The following ABL2 variants were observed in gnomAD, a reference collection of about 807,000 sequenced individuals.
ABL2 encodes tyrosine-protein kinase ABL2.
Under a neutral mutation model 107.7 loss-of-function variants are expected in ABL2, and 49 were observed. The ratio of observed to expected loss-of-function variants is 0.45; its 90% CI spans 0.36 to 0.58. The LOEUF is 0.58. Ranked by LOEUF, ABL2 falls within the 20% of genes least tolerant of loss-of-function variation. The pLI is 0.00. For synonymous variants in ABL2, 549 were observed against 548.6 expected (o/e 1.00, Z -0.01); for missense variants, 1,245 against 1,457.0 (o/e 0.85, Z 2.37).
chr1:179,110,734 G>A (rs1199244170), intron 10 of ABL2: 3 of 1,612,884 alleles, frequency 1.9e-6, no homozygotes, highest in African/African-American at 1.3e-5. Flanking sequence ...CTTGATGGAT[G>A]TTTAGGTTGT....
chr1:179,139,586 C>T (rs1463366534), intron 1 of ABL2, among the ~76,000 whole-genome samples: 2 of 152,160 alleles, frequency 1.3e-5, no homozygotes, highest in East Asian at 3.9e-4. Context: ...GCACTGCCTT[C>T]AAAAATATAT....
At position 179,109,449 on chromosome 1, in the gene ABL2, G is replaced by A; in HGVS notation, c.1826-8C>T. The stretch of plus-strand genomic sequence containing the variant: ...GTGCACCTCTGATGAACCCTGATGA[G>A]AAATGGCCGATCAGTAACTTAAAAG... On this transcript the variant is annotated splice_polypyrimidine_tract_variant and splice_region_variant and intron_variant, in intron 11 of 11. Transcript: ENST00000502732. 1.3e-6 allele frequency: 2 copies of A among 1,594,810 alleles called. No individual in the cohort carries two copies. Among genetic ancestry groups the A allele is most frequent in the Non-Finnish European group, 1.7e-6 (2 of 1,172,510 alleles).
chr1:179,104,374 T>C lies in ABL2; in HGVS notation c.*3344A>G, dbSNP rs1653338311. ...CTCCATGACTTTAGTTAAATAAAAATGGGCAGTGCCTTAGCAAAGTCAGCA... is the reference window on the plus strand; with the variant it reads ...CTCCATGACTTTAGTTAAATAAAAACGGGCAGTGCCTTAGCAAAGTCAGCA... On this transcript the variant is annotated 3_prime_UTR_variant, in exon 12 of 12. Transcript: ENST00000502732. 4.5e-6 allele frequency: 1 copy of C among 223,548 alleles called. No individual in the cohort carries two copies. Among genetic ancestry groups the C allele is most frequent in the Admixed American group, 5.7e-5 (1 of 17,440 alleles). The allele number at this position is 223,548 out of a possible 1,614,324, so 13.8% of individuals were successfully genotyped here. A position where few individuals can be genotyped will look rare whatever the true frequency, so the allele number is the denominator to read the frequency against.
intron 1 of ABL2, among the ~76,000 whole-genome samples, chr1:179,154,250 T>C (rs1301946241): frequency 6.6e-6 from 1 of 152,228 alleles, no homozygotes; most frequent in African/African-American, 2.4e-5. Flanking sequence ...AAAGTTCAAA[T>C]ACTTCAGAAA....
At chr1:179,165,432 A>T (rs76875570) in intron 1 of ABL2, among the ~76,000 whole-genome samples, 6 of 147,632 alleles carry the variant, frequency 4.1e-5, no homozygotes, top group East Asian at 3.9e-4. Flanking sequence ...TTTGGAAATT[A>T]AAAAAAAAAA....
intron 1 of ABL2, among the ~76,000 whole-genome samples, chr1:179,147,804 T>C (rs1030221392): frequency 6.6e-6 from 1 of 152,134 alleles, no homozygotes; most frequent in Non-Finnish European, 1.5e-5. Context: ...AGGCAATATA[T>C]CCATGGAAGA....
intron 1 of ABL2, among the ~76,000 whole-genome samples, chr1:179,216,866 T>C (rs1227206687): frequency 6.6e-6 from 1 of 151,848 alleles, no homozygotes; most frequent in Non-Finnish European, 1.5e-5. Flanking sequence ...GTATTTTTAG[T>C]AGAGGTGGGG....
chr1:179,119,086 TCTC>T (rs5779007), intron 6 of ABL2, among the ~76,000 whole-genome samples: 76,280 of 151,534 alleles, frequency 0.5, 19,313 homozygotes, highest in South Asian at 0.58. Flanking sequence ...GGCCCATGAT[TCTC>T]CTCCTCAACT....
intron 1 of ABL2, among the ~76,000 whole-genome samples, chr1:179,179,029 A>C (rs1660216203): frequency 6.6e-6 from 1 of 152,264 alleles, no homozygotes; most frequent in Non-Finnish European, 1.5e-5. Context: ...AGAGTATAAA[A>C]GAAAAGGAGC....
At position 179,102,020 on chromosome 1, in the gene ABL2, T is replaced by C. The variant is rs1653140341; in HGVS notation, c.*5698A>G. 9 of 135,150 alleles carry C rather than the reference T, an allele frequency of 6.7e-5. No individual in the cohort carries two copies. The South Asian group carries it at 2.3e-3, about 34-fold the overall frequency. The allele number at this position is 135,150 out of a possible 1,614,324, so 8.4% of individuals were successfully genotyped here. Reference sequence around the variant, plus strand: ...TCTTTTTTTTTTTTTTTTTTTTTTTTTTTTTTTTTTTGAGACGGAGTCTCA... The same window carrying C: ...TCTTTTTTTTTTTTTTTTTTTTTTTCTTTTTTTTTTTGAGACGGAGTCTCA... On this transcript the variant is annotated 3_prime_UTR_variant, in exon 12 of 12. Transcript: ENST00000502732.
chr1:179,109,407 G>C lies in ABL2; in HGVS notation c.1860C>G (p.Ser620=). The change falls in exon 12 of 12, where the codon TCC becomes TCG. Residue 620 remains serine, a synonymous_variant. Transcript: ENST00000502732. ...CTCTTTGCTTTCGAGGCAGTGCTGG[G>C]GATCCACTAGAGGCCTGTGCACCTC... The part of the protein sequence containing the change: ...FIRGAQASSG[S]PALPRKQRDK... 1 of 1,613,896 alleles carries C rather than the reference G, an allele frequency of 6.2e-7. No homozygotes were observed. Among genetic ancestry groups the C allele is most frequent in the Non-Finnish European group, 8.5e-7 (1 of 1,179,952 alleles).
In ABL2 at chr1:179,216,580, T is replaced by C. The variant is rs1195869574; in HGVS notation, c.157+12661A>G. Among the ~76,000 whole-genome samples, 4 of 152,184 alleles carry C rather than the reference T, an allele frequency of 2.6e-5. No individual in the cohort carries two copies. In the East Asian group the frequency reaches 7.7e-4, roughly 29 times the overall value. On this transcript the variant is annotated intron_variant, in intron 1 of 11. Transcript: ENST00000502732. ...AGGCAATTAGTACAGAATAAATGAATAAAAAAATAGAAAATGCTCTGGAGT... is the reference window on the plus strand; with the variant it reads ...AGGCAATTAGTACAGAATAAATGAACAAAAAAATAGAAAATGCTCTGGAGT...
chr1:179,157,931 C>G (rs2102745411), intron 1 of ABL2, among the ~76,000 whole-genome samples: 1 of 152,292 alleles, frequency 6.6e-6, no homozygotes, highest in African/African-American at 2.4e-5. Flanking sequence ...TAGCTGGGCC[C>G]AGGCTAAGAA....
chr1:179,117,603 G>A, intron 7 of ABL2, 87 bp from the exon 8 acceptor site: 1 of 1,365,916 alleles, frequency 7.3e-7, no homozygotes. Flanking sequence ...TGTGTTATAG[G>A]CAGAGTTAAG....
At chr1:179,152,963 C>T (rs1658450272) in intron 1 of ABL2, among the ~76,000 whole-genome samples, 1 of 151,818 alleles carries the variant, frequency 6.6e-6, no homozygotes, top group Non-Finnish European at 1.5e-5. Flanking sequence ...ACCCAGATAT[C>T]AAAGAAAGAG....
Position 179,117,443 on chromosome 1 carries a change from A to G in ABL2, c.1297T>C (p.Leu433=), listed in dbSNP as rs140036159. The G allele has an allele frequency of 8.1e-6, 13 of 1,614,090 alleles. No individual in the cohort carries two copies. The African/African-American group carries it at 9.3e-5, about 12-fold the overall frequency. The change falls in exon 8 of 12, where the codon TTG becomes CTG. Residue 433 remains leucine (L), a synonymous_variant. Transcript: ENST00000502732. ...GCAGTATAAGTGTCTCCAGTCATCAATCTACTTAAGCCAAAGTCAGCCACT... is the reference window on the plus strand; with the variant it reads ...GCAGTATAAGTGTCTCCAGTCATCAGTCTACTTAAGCCAAAGTCAGCCACT... ...VKVADFGLSR[L]MTGDTYTAHA...
intron 4 of ABL2, among the ~76,000 whole-genome samples, chr1:179,123,478 G>GCC (rs1655423574): frequency 6.6e-6 from 1 of 151,314 alleles, no homozygotes; most frequent in Admixed American, 6.6e-5. Flanking sequence ...GCATTCTAGA[G>GCC]TGGGTGACAG....
intron 1 of ABL2, among the ~76,000 whole-genome samples, chr1:179,225,739 G>A (rs1333623510): frequency 2.0e-5 from 3 of 152,054 alleles, no homozygotes; most frequent in African/African-American, 4.8e-5. Context: ...CAATGCCGCC[G>A]AGGTTAAGAA....
chr1:179,128,360 G>T (rs1354824455), intron 3 of ABL2, among the ~76,000 whole-genome samples: 1 of 151,910 alleles, frequency 6.6e-6, no homozygotes, highest in African/African-American at 2.4e-5. Flanking sequence ...AAAGAATCCT[G>T]CTAGAAAAAC....
Sources: allele counts gnomAD v4.1 joint callset (sites outside exome capture counted in the v4.1 genomes callset), GRCh38; gene constraint gnomAD v4.1.1; transcripts MANE v1.5; gene names NCBI Gene and HGNC (gene_info 2026-07-23, HGNC 2026-07-21).